ERAS: variants seen among roughly 807,000 people sequenced by gnomAD.
ERAS encodes the protein GTPase ERas.
For synonymous variants in ERAS, 87 were observed against 89.1 expected, an observed-to-expected ratio of 0.98 and a Z score of 0.13; for missense variants, 137 against 199.2, an observed-to-expected ratio of 0.69 and a Z score of 1.88.
chrX:48,828,281 G>GT lies in ERAS; in HGVS notation c.-43-800_-43-799insT, dbSNP rs1557032878. 8.1e-5 allele frequency among the ~76,000 whole-genome samples: 9 copies of GT among 110,888 alleles called. No individual in the cohort carries two copies. The East Asian group carries it at 2.3e-3, about 28-fold the overall frequency. On this transcript the variant is annotated intron_variant, in intron 1 of 1. Coordinates refer to ENST00000636362, the MANE Select transcript of ERAS (RefSeq NM_181532.3). ...TGACCTCAGGTGATCCACCCGACTC[G>GT]GCCTCCAAAGTGCTGGGATTACAGG... is the stretch of plus-strand genomic sequence containing the variant.
At position 48,827,643 on chromosome X, in the gene ERAS, G is replaced by C. The variant is rs1881879160; in HGVS notation, c.-44+1094G>C. Among the ~76,000 whole-genome samples, 5 of 112,080 alleles carry C rather than the reference G, an allele frequency of 4.5e-5. No individual in the cohort carries two copies. In the South Asian group the frequency reaches 1.9e-3, roughly 42 times the overall value. On this transcript the variant is annotated intron_variant, in intron 1 of 1. Coordinates refer to ENST00000636362, the MANE Select transcript of ERAS (RefSeq NM_181532.3). ...CAAACTGCCGCTGCGCCAGGCTTTC[G>C]GAGGGGAGTCGTGGCAACAGCCATT...
chrX:48,828,196 T>G (rs1382610353), intron 1 of ERAS, among the ~76,000 whole-genome samples: 1 of 109,955 alleles, frequency 9.1e-6, no homozygotes, highest in South Asian at 3.9e-4. Flanking sequence ...CTGGCTAATT[T>G]TTTTGTGTTT....
At position 48,829,576 on chromosome X, in the gene ERAS, C is replaced by T. The variant is rs186911186; in HGVS notation, c.453C>T (p.Asn151=). 8.3e-7 allele frequency: 1 copy of T among 1,209,382 alleles called. No homozygotes were observed. Among genetic ancestry groups the T allele is most frequent in the Non-Finnish European group, 1.1e-6 (1 of 894,135 alleles). ...HPAQPLVLVG[N]KCDLVTTAGD... is the part of the protein sequence containing the mutation. ...CCCAGCCCCTTGTCCTCGTGGGCAACAAGTGTGACCTTGTGACCACTGCTG... is the reference window on the plus strand; with the variant it reads ...CCCAGCCCCTTGTCCTCGTGGGCAATAAGTGTGACCTTGTGACCACTGCTG... Residue 151 remains asparagine, a synonymous_variant, in exon 2 of 2, where the codon AAC becomes AAT. Coordinates refer to ENST00000636362, the MANE Select transcript of ERAS (RefSeq NM_181532.3).
Position 48,829,154 on chromosome X carries a change from G to A in ERAS, c.31G>A (p.Asp11Asn), listed in dbSNP as rs1557032958. 2.7e-6 allele frequency: 3 copies of A among 1,114,219 alleles called. No homozygotes were observed. The highest frequency in any genetic ancestry group is 3.7e-5 in the African/African-American group (2 of 54,604). The allele number at this position is 1,114,219 out of a possible 1,213,427, so 91.8% of individuals were successfully genotyped here. Reference sequence around the variant, plus strand: ...GCTGCCAACAAAGCCTGGCACCTTCGACCTGGGCCTGGCCACATGGAGCCC... The same window carrying A: ...GCTGCCAACAAAGCCTGGCACCTTCAACCTGGGCCTGGCCACATGGAGCCC... MELPTKPGTF[D>N]LGLATWSPSF... is the part of the protein sequence containing the mutation. The change falls in exon 2 of 2, where the codon GAC becomes AAC. Residue 11 changes from aspartate to asparagine, a missense_variant. Physicochemically the swap from Asp to Asn is conservative, Grantham distance 23. Transcript: ENST00000636362.
At position 48,829,113 on chromosome X, in the gene ERAS, C is replaced by CT. The variant is rs782095963; in HGVS notation, c.-10dup. On this transcript the variant is annotated 5_prime_UTR_variant, in exon 2 of 2. Transcript: ENST00000636362. ...TGCCCACGTCTCTTCCCTGAGCTGC[C>CT]TGCTGGGGTCATGGAGCTGCCAACA... 5.5e-6 allele frequency: 6 copies of CT among 1,094,440 alleles called. No individual in the cohort carries two copies. The African/African-American group carries it at 1.1e-4, about 21-fold the overall frequency. 90.2% of individuals were successfully genotyped at this position (1,094,440 alleles called of 1,213,427 possible).
Position 48,827,281 on chromosome X carries a change from G to T in ERAS, c.-44+732G>T, listed in dbSNP as rs975431721. 7.2e-5 allele frequency among the ~76,000 whole-genome samples: 8 copies of T among 110,671 alleles called. No individual in the cohort carries two copies. In the Admixed American group the frequency reaches 7.6e-4, roughly 10 times the overall value. ...CGACTTAAGAGGCAGCCTCGACCCC[G>T]CCTCTGCCTTCTGACCCATCCCTAA... On this transcript the variant is annotated intron_variant, in intron 1 of 1. Transcript: ENST00000636362.
At chrX:48,827,314 CG>C (rs2063162266) in intron 1 of ERAS, among the ~76,000 whole-genome samples, 1 of 110,848 alleles carries the variant, frequency 9.0e-6, no homozygotes, top group South Asian at 3.8e-4. Flanking sequence ...TAAAGATGGC[CG>C]GGCACCCCTA....
At position 48,829,115 on chromosome X, in the gene ERAS, G is replaced by A; in HGVS notation, c.-9G>A. 1 of 1,096,459 alleles carries A rather than the reference G, an allele frequency of 9.1e-7. No individual in the cohort carries two copies. Among genetic ancestry groups the A allele is most frequent in the Non-Finnish European group, 1.2e-6 (1 of 839,982 alleles). The allele number at this position is 1,096,459 out of a possible 1,213,427, so 90.4% of individuals were successfully genotyped here. A position where few individuals can be genotyped will look rare whatever the true frequency, so the allele number is the denominator to read the frequency against. On this transcript the variant is annotated 5_prime_UTR_variant, in exon 2 of 2. Transcript: ENST00000636362. The stretch of plus-strand genomic sequence containing the variant: ...CCCACGTCTCTTCCCTGAGCTGCCT[G>A]CTGGGGTCATGGAGCTGCCAACAAA...
At position 48,829,083 on chromosome X, in the gene ERAS, C is replaced by T; in HGVS notation, c.-41C>T. 1 of 1,058,684 alleles carries T rather than the reference C, an allele frequency of 9.4e-7. No homozygotes were observed. The highest frequency in any genetic ancestry group is 1.2e-6 in the Non-Finnish European group (1 of 809,692). 87.2% of individuals were successfully genotyped at this position (1,058,684 alleles called of 1,213,427 possible). A position where few individuals can be genotyped will look rare whatever the true frequency, so the allele number is the denominator to read the frequency against. On this transcript the variant is annotated splice_region_variant and 5_prime_UTR_variant, in exon 2 of 2. Transcript: ENST00000636362. The stretch of plus-strand genomic sequence containing the variant: ...GCTTCTTCTCTTCCCACTTGCAGAG[C>T]CTGCTGCCCACGTCTCTTCCCTGAG...
In ERAS at chrX:48,829,202, C is replaced by T. The variant is rs1557032969; in HGVS notation, c.79C>T (p.Arg27Trp). 8.6e-6 allele frequency: 10 copies of T among 1,167,972 alleles called. No individual in the cohort carries two copies. Among genetic ancestry groups the T allele is most frequent in the Admixed American group, 2.5e-5 (1 of 40,751 alleles). ...WSPSFQGETH[R>W]AQARRRDVGR... ...CCCTTCCTTCCAGGGGGAAACCCAC[C>T]GGGCTCAGGCACGCCGCAGGGATGT... The change falls in exon 2 of 2, where the codon CGG becomes TGG. Residue 27 changes from arginine to tryptophan, a missense_variant. By Grantham distance (101) the Arg-to-Trp change is moderately radical. Transcript: ENST00000636362.
intron 1 of ERAS, 86 bp from the exon 2 acceptor site, chrX:48,828,995 T>C (rs1415901217): frequency 2.1e-6 from 1 of 476,871 alleles, no homozygotes. Context: ...AATGTTGAAA[T>C]AATGACACCC....
At chrX:48,826,571 CT>C (rs1365626239) in intron 1 of ERAS, 22 bp downstream of exon 1, 1 of 111,930 alleles carries the variant, frequency 8.9e-6, no homozygotes, top group Non-Finnish European at 1.9e-5. Flanking sequence ...GCCGGTGCCC[CT>C]GGCCCTGCCA....
At chrX:48,828,225 C>T (rs925865690) in intron 1 of ERAS, among the ~76,000 whole-genome samples, 2 of 110,305 alleles carry the variant, frequency 1.8e-5, no homozygotes, top group South Asian at 3.9e-4. Context: ...GACAGGGTTT[C>T]GCAATGTTGG....
In ERAS at chrX:48,829,049, T is replaced by G. The variant is rs180877146; in HGVS notation, c.-43-32T>G. On this transcript the variant is annotated intron_variant, in intron 1 of 1. Transcript: ENST00000636362. ...AAATGGTCTCCCCTAACGTATCCCC[T>G]GTTGTCTTGCTTCTTCTCTTCCCAC... The G allele has an allele frequency of 7.8e-4, 720 of 919,805 alleles. 4 individuals carry two copies. The highest frequency in any genetic ancestry group is 5.1e-5 in the Non-Finnish European group (35 of 684,674). The allele number at this position is 919,805 out of a possible 1,213,427, so 75.8% of individuals were successfully genotyped here.
At chrX:48,827,357 C>T (rs983555520) in intron 1 of ERAS, among the ~76,000 whole-genome samples, 23 of 111,214 alleles carry the variant, frequency 2.1e-4, no homozygotes, top group African/African-American at 7.5e-4. Flanking sequence ...TCTCCCTCCA[C>T]GTGCGCCGCC....
intron 1 of ERAS, among the ~76,000 whole-genome samples, chrX:48,827,626 C>T (rs2063162811): frequency 8.9e-6 from 1 of 112,022 alleles, no homozygotes; most frequent in Non-Finnish European, 1.9e-5. Context: ...CCCAAACTGC[C>T]GCTGCGCCAG....
chrX:48,828,546 T>A (rs2063164942), intron 1 of ERAS, among the ~76,000 whole-genome samples: 1 of 112,001 alleles, frequency 8.9e-6, no homozygotes. Flanking sequence ...ATTATCTGCC[T>A]CTGCCTTTTA....
At position 48,829,271 on chromosome X, in the gene ERAS, A is replaced by T. The variant is rs782195123; in HGVS notation, c.148A>T (p.Ser50Cys). The T allele has an allele frequency of 8.3e-7, 1 of 1,210,088 alleles. No individual in the cohort carries two copies. Among genetic ancestry groups the T allele is most frequent in the Non-Finnish European group, 1.1e-6 (1 of 894,482 alleles). Reference sequence around the variant, plus strand: ...GTACAAGGCTGTGGTGGTGGGCGCCAGTGGCGTGGGCAAGAGTGCGCTGAC... The same window carrying T: ...GTACAAGGCTGTGGTGGTGGGCGCCTGTGGCGTGGGCAAGAGTGCGCTGAC... ...PEYKAVVVGA[S>C]GVGKSALTIQ... Residue 50 changes from serine to cysteine, a missense_variant, in exon 2 of 2, where the codon AGT (serine) becomes TGT (cysteine). Ser to Cys is a moderately radical substitution (Grantham distance 112). Transcript: ENST00000636362.
intron 1 of ERAS, among the ~76,000 whole-genome samples, chrX:48,827,892 C>A (rs1268024469): frequency 9.0e-6 from 1 of 111,501 alleles, no homozygotes; most frequent in Non-Finnish European, 1.9e-5. Flanking sequence ...TTGTTAACTG[C>A]CATATCACAA....
Sources: gnomAD v4.1 joint callset for allele counts (sites outside exome capture counted in the v4.1 genomes callset) on GRCh38, gnomAD v4.1.1 for gene constraint, MANE v1.5 for transcripts, NCBI Gene and HGNC (gene_info 2026-07-23, HGNC 2026-07-21) for gene names.